VPS13D: variants seen among roughly 807,000 people sequenced by gnomAD.
VPS13D encodes the protein vacuolar protein sorting 13 homolog D, also known as intermembrane lipid transfer protein VPS13D.
In VPS13D, 187 loss-of-function variants were observed where a neutral mutation model predicts 461.9. That is an observed-to-expected ratio of 0.40 (90% CI 0.36 to 0.46). The LOEUF (loss-of-function observed/expected upper bound fraction) is 0.46. VPS13D is among the 20% of genes least tolerant of loss of function. VPS13D has a pLI of 0.60. For missense variants in VPS13D, 4,711 were observed against 5,364.9 expected (o/e 0.88, Z 3.81); for synonymous variants, 1,951 against 1,986.3 (o/e 0.98, Z 0.47).
At chr1:12,456,291 C>T (rs1213253046) in intron 66 of VPS13D, among the ~76,000 whole-genome samples, 161 bp downstream of exon 66, 1 of 152,010 alleles carries the variant, frequency 6.6e-6, no homozygotes, top group East Asian at 1.9e-4. Flanking sequence ...ATCATGAGGT[C>T]AGGAGTTTGA....
At chr1:12,297,934 A>G (rs1195740018) in intron 24 of VPS13D, among the ~76,000 whole-genome samples, 4 of 152,250 alleles carry the variant, frequency 2.6e-5, no homozygotes, top group African/African-American at 9.6e-5. Context: ...TGTCTGGCTC[A>G]TGATTCAGTG....
rs1432171556 is a variant in VPS13D, at chr1:12,249,220, C to G, written c.448-3C>G. ...AGCTGCTTTTTCTTTTTTCTCTTTG[C>G]AGTTAAAAATTCAAGATGTCCATTT... On this transcript the variant is annotated splice_region_variant and splice_polypyrimidine_tract_variant and intron_variant, in intron 5 of 69. Transcript: ENST00000620676. The G allele has an allele frequency of 6.2e-7, 1 of 1,604,396 alleles. No homozygotes were observed. Among genetic ancestry groups the G allele is most frequent in the Admixed American group, 1.7e-5 (1 of 58,648 alleles).
At chr1:12,315,425 A>G (rs936899280) in intron 30 of VPS13D, among the ~76,000 whole-genome samples, 2 of 152,108 alleles carry the variant, frequency 1.3e-5, no homozygotes. Flanking sequence ...ACATTTTTTT[A>G]TGAACTTTAA....
intron 67 of VPS13D, among the ~76,000 whole-genome samples, chr1:12,488,739 A>G (rs1645837687): frequency 6.6e-6 from 1 of 151,422 alleles, no homozygotes; most frequent in African/African-American, 2.4e-5. Context: ...TGTTATTATT[A>G]GCATGCGTAC....
chr1:12,239,104 A>G (rs143078524), intron 2 of VPS13D, among the ~76,000 whole-genome samples: 59 of 152,122 alleles, frequency 3.9e-4, no homozygotes, highest in African/African-American at 1.3e-3. Context: ...GGACTCTGGG[A>G]AGGTTATGGA....
In VPS13D at chr1:12,268,955, G is replaced by A; in HGVS notation, c.1972+79G>A. ...GTTATTTCTGGTGTTCTGGACAAGG[G>A]TTATTCAGATGCTCTGATAGTGACA... On this transcript the variant is annotated intron_variant, in intron 16 of 69. Coordinates refer to ENST00000620676, the MANE Select transcript of VPS13D (RefSeq NM_015378.4). The A allele has an allele frequency of 2.0e-6, 3 of 1,504,458 alleles. No homozygotes were observed. The South Asian group carries it at 4.0e-5, about 20-fold the overall frequency. The allele number at this position is 1,504,458 out of a possible 1,614,324, so 93.2% of individuals were successfully genotyped here. A position where few individuals can be genotyped will look rare whatever the true frequency, so the allele number is the denominator to read the frequency against.
intron 60 of VPS13D, among the ~76,000 whole-genome samples, chr1:12,393,280 A>G (rs1401577266): frequency 6.6e-6 from 1 of 152,260 alleles, no homozygotes; most frequent in Non-Finnish European, 1.5e-5. Flanking sequence ...AAAGCAATCA[A>G]GGTCTCTCCA....
chr1:12,494,754 A>G (rs1645933800), intron 67 of VPS13D, among the ~76,000 whole-genome samples: 1 of 152,242 alleles, frequency 6.6e-6, no homozygotes, highest in Non-Finnish European at 1.5e-5. Flanking sequence ...TCAGTGGGGC[A>G]GACAGAGACA....
intron 6 of VPS13D, among the ~76,000 whole-genome samples, chr1:12,252,219 T>C (rs951890313): frequency 1.3e-5 from 2 of 152,186 alleles, no homozygotes; most frequent in African/African-American, 4.8e-5. Flanking sequence ...GTTATGACTT[T>C]GTTTTGGGAA....
chr1:12,435,379 C>G (rs763499674), intron 65 of VPS13D, among the ~76,000 whole-genome samples: 1 of 152,014 alleles, frequency 6.6e-6, no homozygotes, highest in Non-Finnish European at 1.5e-5. Flanking sequence ...GAGGATCATC[C>G]GAGCCTAGGA....
At chr1:12,387,863 T>C (rs568246087) in intron 60 of VPS13D, among the ~76,000 whole-genome samples, 3 of 152,250 alleles carry the variant, frequency 2.0e-5, no homozygotes, top group African/African-American at 7.2e-5. Context: ...AAGATAAGAA[T>C]GACAACAGAT....
In VPS13D at chr1:12,255,900, AAAAG is replaced by A. The variant is rs1349566910; in HGVS notation, c.670-425_670-422del. 5.1e-3 allele frequency among the ~76,000 whole-genome samples: 774 copies of A among 151,018 alleles called. 3 individuals are homozygous for A. The highest frequency in any genetic ancestry group is 0.018 in the African/African-American group (742 of 41,336). On this transcript the variant is annotated intron_variant, in intron 7 of 69. Coordinates refer to ENST00000620676, the MANE Select transcript of VPS13D (RefSeq NM_015378.4). ...GCAAGACTCGTCTCAAAAAAAAAAA[AAAAG>A]AAAGAAAAAAGAAATATAAATAATA... is the stretch of plus-strand genomic sequence containing the variant.
At chr1:12,400,962 G>GCGCGCACACACACA (rs1253464149) in intron 61 of VPS13D, among the ~76,000 whole-genome samples, 8 of 106,294 alleles carry the variant, frequency 7.5e-5, no homozygotes, top group African/African-American at 2.7e-4. Flanking sequence ...CTGCGCGCGC[G>GCGCGCACACACACA]CACACACACA....
rs749251726 is a variant in VPS13D at position 12,311,866 on chromosome 1, G to A, written c.6876G>A (p.Val2292=). The change falls in exon 29 of 70, where the codon GTG becomes GTA. Residue 2292 remains valine (V), a synonymous_variant. Coordinates refer to ENST00000620676, the MANE Select transcript of VPS13D (RefSeq NM_015378.4). The part of the protein sequence containing the change: ...YTCMCFLIDM[V]NVSLELKDPK... ...GTATGTGCTTCCTCATTGATATGGT[G>A]AATGTAAGTCTGGAGCTTAAAGATC... 1.2e-6 allele frequency: 2 copies of A among 1,614,194 alleles called. No homozygotes were observed. The highest frequency in any genetic ancestry group is 1.7e-6 in the Non-Finnish European group (2 of 1,180,020).
At chr1:12,269,535 G>A (rs1641371584) in intron 16 of VPS13D, among the ~76,000 whole-genome samples, 1 of 152,268 alleles carries the variant, frequency 6.6e-6, no homozygotes, top group African/African-American at 2.4e-5. Context: ...AACTGAGGAG[G>A]AATGTTCAAG....
At chr1:12,388,786 T>C (rs1472225533) in intron 60 of VPS13D, among the ~76,000 whole-genome samples, 1 of 151,990 alleles carries the variant, frequency 6.6e-6, no homozygotes, top group Non-Finnish European at 1.5e-5. Context: ...CAAGAACCAA[T>C]TATATGTTGC....
chr1:12,310,825 CTCCTTCCT>C (rs1329058114), intron 27 of VPS13D, among the ~76,000 whole-genome samples: 1 of 113,902 alleles, frequency 8.8e-6, no homozygotes, highest in South Asian at 3.5e-4. Flanking sequence ...CCCTCCTTCC[CTCCTTCCT>C]TCCTTCCCTC....
chr1:12,366,779 C>T (rs1294046552), intron 52 of VPS13D, among the ~76,000 whole-genome samples: 1 of 152,116 alleles, frequency 6.6e-6, no homozygotes, highest in Non-Finnish European at 1.5e-5. Flanking sequence ...TATCTTGTAC[C>T]TAGATTTAAC....
At position 12,270,991 on chromosome 1, in the gene VPS13D, C is replaced by A. The variant is rs1266398294; in HGVS notation, c.1973-3C>A. The A allele has an allele frequency of 6.2e-7, 1 of 1,613,174 alleles. No individual in the cohort carries two copies. Among genetic ancestry groups the A allele is most frequent in the African/African-American group, 1.3e-5 (1 of 74,824 alleles). ...ACTCTGCTGTGTATTTCCAACCTTG[C>A]AGGTTTTGGTTATCAGTCTGAACTT... On this transcript the variant is annotated splice_region_variant and splice_polypyrimidine_tract_variant and intron_variant, in intron 16 of 69. Transcript: ENST00000620676.
Sources: gnomAD v4.1 joint callset for allele counts (sites outside exome capture counted in the v4.1 genomes callset) on GRCh38, gnomAD v4.1.1 for gene constraint, MANE v1.5 for transcripts, NCBI Gene and HGNC (gene_info 2026-07-23, HGNC 2026-07-21) for gene names.